CNBD1: variants seen among roughly 807,000 people sequenced by gnomAD.
The protein encoded by CNBD1 is cyclic nucleotide-binding domain-containing protein 1.
A neutral mutation model predicts 54.4 loss-of-function variants in CNBD1; 71 were observed. The observed-to-expected ratio is 1.30, with a 90% CI of 1.08 to 1.59. The LOEUF (loss-of-function observed/expected upper bound fraction) is 1.59. CNBD1 is among the 40% of genes most tolerant of loss of function. The pLI is 0.00. For synonymous variants in CNBD1, 182 were observed against 170.7 expected (o/e 1.07, Z -0.51); for missense variants, 659 against 518.0 (o/e 1.27, Z -2.64).
intron 4 of CNBD1, among the ~76,000 whole-genome samples, chr8:87,122,596 C>T (rs764972078): frequency 5.9e-5 from 9 of 151,482 alleles, no homozygotes; most frequent in Non-Finnish European, 1.3e-4. Context: ...GAGTCGTAGC[C>T]AAAAAAACTG....
chr8:87,068,507 T>C (rs1810699891), intron 4 of CNBD1, among the ~76,000 whole-genome samples: 1 of 152,002 alleles, frequency 6.6e-6, no homozygotes. Context: ...TGTCAATGTT[T>C]CTCAGTGTGT....
At chr8:87,213,007 A>G (rs117699612) in intron 5 of CNBD1, among the ~76,000 whole-genome samples, 2,436 of 152,196 alleles carry the variant, frequency 0.016, 32 homozygotes, top group Non-Finnish European at 0.027. Context: ...CTGAGTAACA[A>G]GAAGACAATT....
chr8:87,407,157 G>C (rs184645373), intron 2 of CNBD1, among the ~76,000 whole-genome samples: 1 of 151,970 alleles, frequency 6.6e-6, no homozygotes, highest in Non-Finnish European at 1.5e-5. Context: ...ACCTCTTTCA[G>C]TTACTTACTT....
At chr8:87,162,715 A>C (rs1812882971) in intron 4 of CNBD1, among the ~76,000 whole-genome samples, 1 of 152,066 alleles carries the variant, frequency 6.6e-6, no homozygotes, top group Non-Finnish European at 1.5e-5. Flanking sequence ...TCTGCTCCCA[A>C]AATTGTGTGT....
At chr8:86,967,076 C>T (rs1808096620) in intron 4 of CNBD1, among the ~76,000 whole-genome samples, 1 of 152,166 alleles carries the variant, frequency 6.6e-6, no homozygotes, top group Admixed American at 6.5e-5. Flanking sequence ...TTCTCCAAGT[C>T]CCCACCTGAC....
chr8:86,970,765 T>A (rs1429595563), intron 4 of CNBD1, among the ~76,000 whole-genome samples: 1 of 152,210 alleles, frequency 6.6e-6, no homozygotes, highest in Non-Finnish European at 1.5e-5. Flanking sequence ...GCTGCATCCA[T>A]GTTGTTGCAA....
intron 8 of CNBD1, among the ~76,000 whole-genome samples, chr8:87,297,683 T>A (rs1268128224): frequency 6.0e-5 from 9 of 149,626 alleles, no homozygotes; most frequent in Admixed American, 5.4e-4. Flanking sequence ...CATTTACAGA[T>A]GCATTTGTGA....
chr8:86,878,105 T>TGTGTGTGTGTGTGTGTGA (rs56785226), intron 1 of CNBD1, among the ~76,000 whole-genome samples: 23 of 140,968 alleles, frequency 1.6e-4, no homozygotes, highest in Admixed American at 5.1e-4. Flanking sequence ...TGTGTGTGTG[T>TGTGTGTGTGTGTGTGTGA]GAGAGAGAGA....
chr8:87,388,335 A>G (rs1167031431), intron 2 of CNBD1, among the ~76,000 whole-genome samples: 2 of 151,350 alleles, frequency 1.3e-5, no homozygotes, highest in Non-Finnish European at 2.9e-5. Flanking sequence ...TGAAAAGATC[A>G]ACGAAATTGA....
At chr8:87,249,104 T>A (rs1807863004) in intron 6 of CNBD1, among the ~76,000 whole-genome samples, 1 of 152,140 alleles carries the variant, frequency 6.6e-6, no homozygotes, top group South Asian at 2.1e-4. Context: ...GTCAAACCTC[T>A]CTGCTAATGT....
intron 4 of CNBD1, among the ~76,000 whole-genome samples, chr8:87,096,809 T>C (rs1053069796): frequency 6.6e-6 from 1 of 152,058 alleles, no homozygotes; most frequent in Non-Finnish European, 1.5e-5. Flanking sequence ...CTTCCCTTTT[T>C]TTTTTTTTAC....
chr8:86,889,934 T>G (rs1028013208), intron 2 of CNBD1, among the ~76,000 whole-genome samples: 10 of 152,100 alleles, frequency 6.6e-5, no homozygotes, highest in African/African-American at 1.9e-4. Context: ...ATTTATAGTG[T>G]TTTTTTAACT....
At chr8:87,137,096 A>C (rs59266847) in intron 4 of CNBD1, among the ~76,000 whole-genome samples, 10,041 of 88,874 alleles carry the variant, frequency 0.11, 2,191 homozygotes, top group African/African-American at 0.26. Flanking sequence ...TATTTATATT[A>C]TATGTAAATT....
In CNBD1 at chr8:87,323,359, G is replaced by C. The variant is rs1449273010; in HGVS notation, c.1043-28326G>C. ...CTGTGAAGAAAGTCATTGGTAGCTT[G>C]ATGGGGATGGCATTGAATCTGTAAA... is the stretch of plus-strand genomic sequence containing the variant. On this transcript the variant is annotated intron_variant, in intron 8 of 10. Transcript: ENST00000518476. Among the ~76,000 whole-genome samples, 12 of 134,826 alleles carry C rather than the reference G, an allele frequency of 8.9e-5. No homozygotes were observed. In the East Asian group the frequency reaches 1.6e-3, roughly 18 times the overall value. The allele number at this position is 134,826 out of a possible 152,430, so 88.5% of individuals were successfully genotyped here. A position where few individuals can be genotyped will look rare whatever the true frequency, so the allele number is the denominator to read the frequency against.
intron 6 of CNBD1, among the ~76,000 whole-genome samples, chr8:87,264,793 GTCT>G (rs1243923526): frequency 1.3e-5 from 2 of 152,078 alleles, no homozygotes; most frequent in African/African-American, 4.8e-5. Context: ...CTGCATAAAT[GTCT>G]TCTTTTGAGA....
intron 10 of CNBD1, among the ~76,000 whole-genome samples, chr8:87,367,750 G>C (rs1027878056): frequency 6.6e-6 from 1 of 152,086 alleles, no homozygotes; most frequent in African/African-American, 2.4e-5. Flanking sequence ...GAAAGATTAA[G>C]TGATATCAAT....
At chr8:87,380,051 A>C (rs1396068503) in intron 10 of CNBD1, among the ~76,000 whole-genome samples, 1 of 151,910 alleles carries the variant, frequency 6.6e-6, no homozygotes, top group Non-Finnish European at 1.5e-5. Context: ...ACAATAATAT[A>C]AACTAGTAAG....
intron 8 of CNBD1, among the ~76,000 whole-genome samples, chr8:87,289,429 A>G (rs2130873492): frequency 6.6e-6 from 1 of 152,218 alleles, no homozygotes; most frequent in South Asian, 2.1e-4. Flanking sequence ...TATTCTTTCA[A>G]GATGTGGCCA....
intron 5 of CNBD1, among the ~76,000 whole-genome samples, chr8:87,232,868 T>C (rs1006257144): frequency 6.6e-6 from 1 of 152,164 alleles, no homozygotes; most frequent in African/African-American, 2.4e-5. Context: ...ATATTTATGC[T>C]TTTTAAATTA....
Sources: allele counts gnomAD v4.1 joint callset (sites outside exome capture counted in the v4.1 genomes callset), GRCh38; gene constraint gnomAD v4.1.1; transcripts MANE v1.5; gene names NCBI Gene and HGNC (gene_info 2026-07-23, HGNC 2026-07-21).